The following ZNF33B variants were observed in gnomAD, a reference collection of about 807,000 sequenced individuals.
The protein encoded by ZNF33B is zinc finger protein 11b (KOX 2).
Under a neutral mutation model 45.8 loss-of-function variants are expected in ZNF33B, and 29 were observed. That is an observed-to-expected ratio of 0.63 (90% CI 0.47 to 0.86). ZNF33B has a LOEUF of 0.86. Ranked by LOEUF, ZNF33B falls within the 40% of genes least tolerant of loss-of-function variation. ZNF33B has a pLI of 0.00. For missense variants in ZNF33B, 831 were observed against 909.9 expected (o/e 0.91, Z 1.12); for synonymous variants, 305 against 307.8 (o/e 0.99, Z 0.10).
rs1332876949 is a variant in ZNF33B at position 42,591,883 on chromosome 10, A to G, written c.*730T>C. The G allele has an allele frequency of 6.6e-6, 1 of 152,242 alleles. No individual in the cohort carries two copies. The highest frequency in any genetic ancestry group is 1.5e-5 in the Non-Finnish European group (1 of 68,092). 9.4% of individuals were successfully genotyped at this position (152,242 alleles called of 1,614,324 possible). A position where few individuals can be genotyped will look rare whatever the true frequency, so the allele number is the denominator to read the frequency against. On this transcript the variant is annotated 3_prime_UTR_variant, in exon 5 of 5. Transcript: ENST00000359467. ...AGACTCCTTTTCCATTCTGTAAACT[A>G]ATTGTGTTGATGGTTACTCAAATGT... is the stretch of plus-strand genomic sequence containing the variant.
At chr10:42,632,551 T>C in intron 2 of ZNF33B, 112 bp from the exon 3 acceptor site, 1 of 1,391,246 alleles carries the variant, frequency 7.2e-7, no homozygotes, top group Non-Finnish European at 9.6e-7. Flanking sequence ...AAAAAAGAAA[T>C]CATAACAGAA....
chr10:42,632,358 G>T lies in ZNF33B; in HGVS notation c.91C>A (p.Pro31Thr). The T allele has an allele frequency of 6.2e-7, 1 of 1,613,474 alleles. No homozygotes were observed. Among genetic ancestry groups the T allele is most frequent in the South Asian group, 1.1e-5 (1 of 90,960 alleles). The stretch of plus-strand genomic sequence containing the variant: ...TCTCTATACAGAGCCCTCTGACTAG[G>T]GTCCAGGTGCTGCCACTCCTCCTGG... ...FTQEEWQHLD[P>T]SQRALYRDVM... The change falls in exon 3 of 5, where the codon CCT (proline) becomes ACT (threonine). Residue 31 changes from proline to threonine, a missense_variant. By Grantham distance (38) the Pro-to-Thr change is conservative. Coordinates refer to ENST00000359467, the MANE Select transcript of ZNF33B (RefSeq NM_006955.3).
chr10:42,594,780 T>A, intron 4 of ZNF33B, 81 bp from the exon 5 acceptor site: 1 of 1,416,562 alleles, frequency 7.1e-7, no homozygotes, highest in Non-Finnish European at 9.3e-7. Context: ...AAATGCCCTA[T>A]GTTGTAGCTG....
chr10:42,598,356 T>C (rs1419475606), intron 4 of ZNF33B, among the ~76,000 whole-genome samples: 1 of 152,260 alleles, frequency 6.6e-6, no homozygotes, highest in Non-Finnish European at 1.5e-5. Context: ...GGGTCCTCTC[T>C]GGGTTGCAAA....
chr10:42,609,083 A>T (rs943681153), intron 4 of ZNF33B, among the ~76,000 whole-genome samples: 1 of 152,170 alleles, frequency 6.6e-6, no homozygotes, highest in Admixed American at 6.6e-5. Context: ...ATCTGAAATG[A>T]CCTACACAAG....
chr10:42,583,083 T>C, intron 1 of ZNF33B: 1 of 806,782 alleles, frequency 1.2e-6, no homozygotes, highest in East Asian at 2.4e-5. Flanking sequence ...TGCAAGGGTT[T>C]AATCCAAGGT....
In ZNF33B at chr10:42,604,261, A is replaced by G. The variant is rs574558798; in HGVS notation, c.251-9562T>C. 3.7e-4 allele frequency among the ~76,000 whole-genome samples: 57 copies of G among 152,174 alleles called. 2 individuals carry two copies. In the South Asian group the frequency reaches 0.011, roughly 30 times the overall value. On this transcript the variant is annotated intron_variant, in intron 4 of 4. Coordinates refer to ENST00000359467, the MANE Select transcript of ZNF33B (RefSeq NM_006955.3). ...GGAGTTCAAGACCAACCTGGCCAAC[A>G]TGGTAAAACCCTGTCTCTACTAAAA...
At chr10:42,625,035 ATT>A (rs896339900) in intron 4 of ZNF33B, among the ~76,000 whole-genome samples, 16 of 66,388 alleles carry the variant, frequency 2.4e-4, no homozygotes, top group East Asian at 9.3e-4. Context: ...ATTGTTTCAT[ATT>A]TTATATATAT....
Position 42,591,246 on chromosome 10 carries a change from T to C in ZNF33B, c.*1367A>G. ...CAACTGGGCTGTATGTGTGGGCCTC[T>C]TTCCAGGGCCCTGTCTTGGAGAGCA... On this transcript the variant is annotated 3_prime_UTR_variant, in exon 5 of 5. Transcript: ENST00000359467. 2 of 924,630 alleles carry C rather than the reference T, an allele frequency of 2.2e-6. No homozygotes were observed. Among genetic ancestry groups the C allele is most frequent in the Non-Finnish European group, 2.6e-6 (2 of 775,030 alleles). 57.3% of individuals were successfully genotyped at this position (924,630 alleles called of 1,614,324 possible).
chr10:42,601,252 T>G (rs1193916627), intron 4 of ZNF33B, among the ~76,000 whole-genome samples: 2 of 152,202 alleles, frequency 1.3e-5, no homozygotes, highest in African/African-American at 4.8e-5. Context: ...CTGGTTATGA[T>G]TCATGTGGCT....
At position 42,593,463 on chromosome 10, in the gene ZNF33B, G is replaced by C; in HGVS notation, c.1487C>G (p.Pro496Arg). The change falls in exon 5 of 5, where the codon CCT (proline) becomes CGT (arginine). Residue 496 changes from proline (P) to arginine (R), a missense_variant. Coordinates refer to ENST00000359467, the MANE Select transcript of ZNF33B (RefSeq NM_006955.3). ...TTTCCCACATGCATTACATTCATAA[G>C]GTTTATCTCCTATGTGAGTTCTCTG... ...QHQRTHIGDK[P>R]YECNACGKTF... 1 of 1,614,042 alleles carries C rather than the reference G, an allele frequency of 6.2e-7. No homozygotes were observed. The highest frequency in any genetic ancestry group is 8.5e-7 in the Non-Finnish European group (1 of 1,179,980).
chr10:42,576,126 C>G (rs1220443093), intron 1 of ZNF33B, among the ~76,000 whole-genome samples: 3 of 151,516 alleles, frequency 2.0e-5, no homozygotes, highest in African/African-American at 4.9e-5. Flanking sequence ...CCTGACCTCA[C>G]GTGATCCGCC....
In ZNF33B at chr10:42,592,724, T is replaced by C. The variant is rs201128338; in HGVS notation, c.2226A>G (p.Ser742=). 1 of 1,614,134 alleles carries C rather than the reference T, an allele frequency of 6.2e-7. No individual in the cohort carries two copies. The highest frequency in any genetic ancestry group is 8.5e-7 in the Non-Finnish European group (1 of 1,179,986). ...RKSDLAKHQR[S]HTGEKPYECN... The stretch of plus-strand genomic sequence containing the variant: ...ATTCATAGGGCTTTTCCCCTGTATG[T>C]GATCTCTGATGTTTAGCAAGGTCTG... The change falls in exon 5 of 5, where the codon TCA becomes TCG. Residue 742 remains serine (S), a synonymous_variant. Transcript: ENST00000359467.
chr10:42,627,008 C>CTTTTT (rs111639981), intron 4 of ZNF33B, among the ~76,000 whole-genome samples: 2 of 145,404 alleles, frequency 1.4e-5, no homozygotes, highest in African/African-American at 5.0e-5. Context: ...TGTCATTTTT[C>CTTTTT]TTTTTTTTTT....
chr10:42,632,497 G>A, intron 2 of ZNF33B, 58 bp from the exon 3 acceptor site: 1 of 1,561,950 alleles, frequency 6.4e-7, no homozygotes, highest in Non-Finnish European at 8.6e-7. Flanking sequence ...TCCTTACCAT[G>A]ATTATTATTC....
chr10:42,594,692 C>G lies in ZNF33B; in HGVS notation c.258G>C (p.Trp86Cys). 6.4e-7 allele frequency: 1 copy of G among 1,561,508 alleles called. No individual in the cohort carries two copies. The highest frequency in any genetic ancestry group is 8.6e-7 in the Non-Finnish European group (1 of 1,160,642). Residue 86 changes from tryptophan (W) to cysteine (C), a missense_variant, in exon 5 of 5, where the codon TGG becomes TGC. By Grantham distance (215) the Trp-to-Cys change is radical. Coordinates refer to ENST00000359467, the MANE Select transcript of ZNF33B (RefSeq NM_006955.3). Reference sequence around the variant, plus strand: ...TCCTCTCTTTCAGGTGATCAGCTGTCCAGACTTCTACAAACAAACAAAATT... The same window carrying G: ...TCCTCTCTTTCAGGTGATCAGCTGTGCAGACTTCTACAAACAAACAAAATT... Reference protein sequence around the residue: ...EFPSQSFPEVWTADHLKERSQ... With the variant: ...EFPSQSFPEVCTADHLKERSQ...
chr10:42,624,463 C>T (rs1838715717), intron 4 of ZNF33B, among the ~76,000 whole-genome samples: 2 of 152,138 alleles, frequency 1.3e-5, no homozygotes, highest in African/African-American at 4.8e-5. Context: ...GCGATACATT[C>T]CAAGACGCCC....
rs760450168 is a variant in ZNF33B, at chr10:42,591,054, A to C, written c.*1559T>G. ...GATTATTTGTATGATCTGATCATGT[A>C]ATGTAGTGTACAATCTTCACACTGT... is the stretch of plus-strand genomic sequence containing the variant. On this transcript the variant is annotated 3_prime_UTR_variant, in exon 5 of 5. Transcript: ENST00000359467. The C allele has an allele frequency of 2.1e-5, 4 of 192,144 alleles. No individual in the cohort carries two copies. Among genetic ancestry groups the C allele is most frequent in the Non-Finnish European group, 2.9e-5 (3 of 104,676 alleles). The allele number at this position is 192,144 out of a possible 1,614,324, so 11.9% of individuals were successfully genotyped here.
At chr10:42,595,681 G>T (rs1837369424) in intron 4 of ZNF33B, among the ~76,000 whole-genome samples, 1 of 152,158 alleles carries the variant, frequency 6.6e-6, no homozygotes, top group Non-Finnish European at 1.5e-5. Context: ...GAAAGCACAT[G>T]CATGAACTCT....
Sources: gnomAD v4.1 joint callset for allele counts (sites outside exome capture counted in the v4.1 genomes callset) on GRCh38, gnomAD v4.1.1 for gene constraint, MANE v1.5 for transcripts, NCBI Gene and HGNC (gene_info 2026-07-23, HGNC 2026-07-21) for gene names.